Variants in CTDSPL observed in about 807,000 individuals in gnomAD.
The protein encoded by CTDSPL is CTD small phosphatase-like protein.
CTDSPL carries 8 observed loss-of-function variants against 30.5 expected under a neutral mutation model. That is an observed-to-expected ratio of 0.26 (90% CI 0.15 to 0.47). The LOEUF is 0.47. CTDSPL is among the 20% of genes least tolerant of loss of function. The pLI, the probability that CTDSPL is intolerant of heterozygous loss-of-function variation, is 0.99. For synonymous variants in CTDSPL, 110 were observed against 137.9 expected (o/e 0.80, Z 1.42); for missense variants, 248 against 366.1 (o/e 0.68, Z 2.63).
intron 1 of CTDSPL, among the ~76,000 whole-genome samples, chr3:37,909,589 A>G (rs1214525602): frequency 6.6e-6 from 1 of 152,250 alleles, no homozygotes; most frequent in East Asian, 1.9e-4. Flanking sequence ...ATATCTGGTA[A>G]CCAACTTCCT....
rs1315217557 is a variant in CTDSPL, at chr3:37,944,874, C to T, written c.80-2183C>T. 2.7e-5 allele frequency: 4 copies of T among 150,374 alleles called. 1 individual carries two copies. Among genetic ancestry groups the T allele is most frequent in the South Asian group, 2.1e-4 (1 of 4,682 alleles). The allele number at this position is 150,374 out of a possible 1,614,324, so 9.3% of individuals were successfully genotyped here. ...GTTCAGATAACTAATTTACTGACTC[C>T]GTTAGCAGTGTGTAGCTTCTGTACA... On this transcript the variant is annotated intron_variant, in intron 1 of 7. Transcript: ENST00000273179.
chr3:37,867,375 A>G (rs999013893), intron 1 of CTDSPL, among the ~76,000 whole-genome samples: 7 of 152,082 alleles, frequency 4.6e-5, no homozygotes, highest in African/African-American at 1.7e-4. Flanking sequence ...TGATCTGTAC[A>G]TTGTTTCTAG....
In CTDSPL at chr3:37,980,980, C is replaced by A; in HGVS notation, c.*113C>A. On this transcript the variant is annotated 3_prime_UTR_variant, in exon 8 of 8. Coordinates refer to ENST00000273179, the MANE Select transcript of CTDSPL (RefSeq NM_001008392.2). Reference sequence around the variant, plus strand: ...AGTGAGGATACTCCGTGCTCCAGGCCACAGGGTGAATGTGGCCATGCCTAC... The same window carrying A: ...AGTGAGGATACTCCGTGCTCCAGGCAACAGGGTGAATGTGGCCATGCCTAC... 1 of 1,348,202 alleles carries A rather than the reference C, an allele frequency of 7.4e-7. No individual in the cohort carries two copies. Among genetic ancestry groups the A allele is most frequent in the Non-Finnish European group, 9.9e-7 (1 of 1,008,820 alleles). The allele number at this position is 1,348,202 out of a possible 1,614,324, so 83.5% of individuals were successfully genotyped here.
rs996423501 is a variant in CTDSPL at position 37,975,023 on chromosome 3, G to A, written c.520-686G>A. On this transcript the variant is annotated intron_variant, in intron 6 of 7. Transcript: ENST00000273179. The surrounding 1 kb of genome is among the most constrained non-coding windows in gnomAD (Gnocchi z 4.9). ...TCCCACATAGTACTCCACTCTGTGA[G>A]GGAAACAACCCAGAAAGGAAGATAG... Among the ~76,000 whole-genome samples the A allele has an allele frequency of 3.2e-4, 49 of 152,196 alleles. 2 individuals are homozygous for A. The highest frequency in any genetic ancestry group is 1.3e-4 in the Non-Finnish European group (9 of 68,030).
chr3:37,965,772 C>A (rs1354832884), intron 4 of CTDSPL, among the ~76,000 whole-genome samples: 1 of 152,186 alleles, frequency 6.6e-6, no homozygotes, highest in Non-Finnish European at 1.5e-5. Flanking sequence ...AGGACAAAGC[C>A]AGAAAATTGT....
rs558512371 is a variant in CTDSPL, at chr3:37,924,112, G to T, written c.80-22945G>T. ...CCTCTTGCCGTATGGCATTCAACCCGGTCCAAGGTGAGAGTTTCTTCGTCC... is the reference window on the plus strand; with the variant it reads ...CCTCTTGCCGTATGGCATTCAACCCTGTCCAAGGTGAGAGTTTCTTCGTCC... On this transcript the variant is annotated intron_variant, in intron 1 of 7. Transcript: ENST00000273179. Among the ~76,000 whole-genome samples the T allele has an allele frequency of 2.0e-5, 3 of 152,322 alleles. No homozygotes were observed. In the South Asian group the frequency reaches 6.2e-4, roughly 32 times the overall value.
At chr3:37,911,788 G>A (rs1698585988) in intron 1 of CTDSPL, 1 of 454,632 alleles carries the variant, frequency 2.2e-6, no homozygotes, top group African/African-American at 2.0e-5. Flanking sequence ...GCCAGGCGCG[G>A]TGGTTCACGC....
At chr3:37,969,993 A>G (rs1048708774) in intron 5 of CTDSPL, among the ~76,000 whole-genome samples, 2 of 152,064 alleles carry the variant, frequency 1.3e-5, no homozygotes, top group South Asian at 2.1e-4. Context: ...CACCTGCTCC[A>G]TCTGCCATTC....
At chr3:37,951,935 A>G (rs1163255636) in intron 2 of CTDSPL, among the ~76,000 whole-genome samples, 5 of 152,250 alleles carry the variant, frequency 3.3e-5, no homozygotes, top group African/African-American at 7.2e-5. Context: ...GACCAAGACT[A>G]CATCAGATTG....
At chr3:37,875,635 AT>A (rs1490339120) in intron 1 of CTDSPL, among the ~76,000 whole-genome samples, 1 of 152,234 alleles carries the variant, frequency 6.6e-6, no homozygotes, top group Non-Finnish European at 1.5e-5. Context: ...TTTAGCTCTT[AT>A]GCTTAGCCTA....
In CTDSPL at chr3:37,971,409, G is replaced by A. The variant is rs375054328; in HGVS notation, c.429G>A (p.Val143=). ...PVEIDGTIHQ[V]YVLKRPHVDE... ...CCTGCTGTCTCCTGCCATTGCAGGT[G>A]TATGTGCTGAAGCGGCCACATGTGG... The change falls in exon 6 of 8, where the codon GTG becomes GTA. Residue 143 remains valine, a splice_region_variant and synonymous_variant. Transcript: ENST00000273179. 7.4e-6 allele frequency: 12 copies of A among 1,613,744 alleles called. No individual in the cohort carries two copies. The highest frequency in any genetic ancestry group is 1.3e-5 in the African/African-American group (1 of 74,948).
At chr3:37,947,371 C>T (rs1267353647) in intron 2 of CTDSPL, among the ~76,000 whole-genome samples, 160 bp downstream of exon 2, 1 of 152,128 alleles carries the variant, frequency 6.6e-6, no homozygotes, top group East Asian at 1.9e-4. Context: ...CCAGCCTGGC[C>T]AATATAGTGA....
At chr3:37,949,408 A>G (rs916711231) in intron 2 of CTDSPL, among the ~76,000 whole-genome samples, 13 of 152,246 alleles carry the variant, frequency 8.5e-5, no homozygotes, top group Non-Finnish European at 1.8e-4. Context: ...AAGCAACCCG[A>G]TGTTCAACAA....
At chr3:37,970,510 G>T (rs532451482) in intron 5 of CTDSPL, among the ~76,000 whole-genome samples, 1 of 152,042 alleles carries the variant, frequency 6.6e-6, no homozygotes, top group African/African-American at 2.4e-5. Context: ...AATTTCAAAC[G>T]GAATTTATTC....
chr3:37,939,392 G>T (rs760903028), intron 1 of CTDSPL, among the ~76,000 whole-genome samples: 1 of 150,354 alleles, frequency 6.7e-6, no homozygotes, highest in Non-Finnish European at 1.5e-5. Context: ...TCCAAAGCCT[G>T]TGTTCTTTCC....
At chr3:37,980,631 C>G (rs926677358) in intron 7 of CTDSPL, 111 bp from the exon 8 acceptor site, 9 of 1,363,652 alleles carry the variant, frequency 6.6e-6, no homozygotes, top group Admixed American at 6.5e-5. Context: ...GATGATGACA[C>G]CAGTCGTCCT....
chr3:37,958,046 T>C lies in CTDSPL; in HGVS notation c.267+903T>C, dbSNP rs1171092677. On this transcript the variant is annotated intron_variant, in intron 3 of 7. Coordinates refer to ENST00000273179, the MANE Select transcript of CTDSPL (RefSeq NM_001008392.2). ...TCAGATTCAGATTACTTGATTCAAATGTGTTCATCTCTCTTTCCTTGGAGT... is the reference window on the plus strand; with the variant it reads ...TCAGATTCAGATTACTTGATTCAAACGTGTTCATCTCTCTTTCCTTGGAGT... 2.0e-5 allele frequency among the ~76,000 whole-genome samples: 3 copies of C among 152,366 alleles called. No homozygotes were observed. In the South Asian group the frequency reaches 6.2e-4, roughly 32 times the overall value.
intron 2 of CTDSPL, among the ~76,000 whole-genome samples, chr3:37,953,056 C>T (rs565525119): frequency 1.3e-5 from 2 of 152,206 alleles, no homozygotes; most frequent in South Asian, 4.2e-4. Context: ...TTTATTTAAT[C>T]ACTATATCCA....
At chr3:37,923,397 C>A (rs1027500655) in intron 1 of CTDSPL, among the ~76,000 whole-genome samples, 4 of 152,168 alleles carry the variant, frequency 2.6e-5, no homozygotes, top group Non-Finnish European at 5.9e-5. Context: ...AGTTCAAATG[C>A]GTTCTTAAAA....
Sources: gnomAD v4.1 joint callset for allele counts (sites outside exome capture counted in the v4.1 genomes callset) on GRCh38, gnomAD v4.1.1 for gene constraint, Gnocchi (gnomAD v3.1) non-coding constraint, MANE v1.5 for transcripts, NCBI Gene and HGNC (gene_info 2026-07-23, HGNC 2026-07-21) for gene names.